Variants in AGPAT4 observed in about 807,000 individuals in gnomAD.
AGPAT4 encodes the protein 1-acylglycerol-3-phosphate O-acyltransferase 4.
A neutral mutation model predicts 48.0 loss-of-function variants in AGPAT4; 15 were observed. The ratio of observed to expected loss-of-function variants is 0.31; its 90% confidence interval spans 0.21 to 0.48. The LOEUF is 0.48. Among genes scored for constraint, AGPAT4 ranks in the 20% least tolerant of loss-of-function variants. The pLI, the probability that AGPAT4 is intolerant of heterozygous loss-of-function variation, is 0.99. For synonymous variants in AGPAT4, 178 were observed against 198.7 expected (o/e 0.90, Z 0.88); for missense variants, 314 against 482.5 (o/e 0.65, Z 3.27).
At position 161,246,373 on chromosome 6, in the gene AGPAT4, C is replaced by T. The variant is rs1042192832; in HGVS notation, c.-89-14071G>A. On this transcript the variant is annotated intron_variant, in intron 1 of 8. Transcript: ENST00000320285. This position sits in a 1 kb window ranked among gnomAD's most constrained non-coding sequence, Gnocchi z 5.5. ...ATTCATATTTAAGTTCTACTATATA[C>T]TAACATTGCATTAGACTTCTGAGCA... Among the ~76,000 whole-genome samples the T allele has an allele frequency of 6.6e-6, 1 of 152,082 alleles. No individual in the cohort carries two copies. Among genetic ancestry groups the T allele is most frequent in the African/African-American group, 2.4e-5 (1 of 41,388 alleles).
chr6:161,194,166 T>A (rs1200627006), intron 2 of AGPAT4, among the ~76,000 whole-genome samples: 1 of 152,196 alleles, frequency 6.6e-6, no homozygotes, highest in African/African-American at 2.4e-5. Context: ...ATGCCAAATA[T>A]CTCATTAATT....
At chr6:161,213,187 C>T (rs1781561991) in intron 2 of AGPAT4, among the ~76,000 whole-genome samples, 1 of 152,168 alleles carries the variant, frequency 6.6e-6, no homozygotes, top group Admixed American at 6.5e-5. Flanking sequence ...CTGGGCTCGG[C>T]TTTAAAAAAG....
chr6:161,273,156 G>A (rs983164998), intron 1 of AGPAT4, among the ~76,000 whole-genome samples: 3 of 152,154 alleles, frequency 2.0e-5, no homozygotes, highest in Non-Finnish European at 4.4e-5. Flanking sequence ...CTTATCTTAA[G>A]AAGTGTTTAG....
rs537871796 is a variant in AGPAT4 at position 161,218,211 on chromosome 6, A to G, written c.178+13825T>C. ...GGTGCTGTGCTGGAAAATGGTTAAC[A>G]ACCAGCTCTTGTGTGGCAGGGGAGG... On this transcript the variant is annotated intron_variant, in intron 2 of 8. Transcript: ENST00000320285. The surrounding 1 kb of genome is among the most constrained non-coding windows in gnomAD (Gnocchi z 4.7). Among the ~76,000 whole-genome samples, 2 of 152,302 alleles carry G rather than the reference A, an allele frequency of 1.3e-5. No individual in the cohort carries two copies. Among genetic ancestry groups the G allele is most frequent in the East Asian group, 3.9e-4 (2 of 5,180 alleles).
At chr6:161,210,333 T>G (rs1318656433) in intron 2 of AGPAT4, among the ~76,000 whole-genome samples, 1 of 152,214 alleles carries the variant, frequency 6.6e-6, no homozygotes, top group Admixed American at 6.5e-5. Flanking sequence ...ATATGCAAAT[T>G]TAAGGCTATT....
intron 8 of AGPAT4, 25 bp from the exon 9 acceptor site, chr6:161,136,659 T>C (rs201512980): frequency 1.2e-6 from 2 of 1,607,504 alleles, no homozygotes; most frequent in East Asian, 2.2e-5. Context: ...AGAGCAGAGT[T>C]AGGAGTAGCC....
rs1444619814 is a variant in AGPAT4, at chr6:161,208,616, TA to T, written c.178+23419del. Among the ~76,000 whole-genome samples, 1 of 152,018 alleles carries T rather than the reference TA, an allele frequency of 6.6e-6. No homozygotes were observed. Among genetic ancestry groups the T allele is most frequent in the African/African-American group, 2.4e-5 (1 of 41,396 alleles). On this transcript the variant is annotated intron_variant, in intron 2 of 8. Coordinates refer to ENST00000320285, the MANE Select transcript of AGPAT4 (RefSeq NM_020133.3). The surrounding 1 kb of genome is among the most constrained non-coding windows in gnomAD (Gnocchi z 4.6). ...AAATACTTGCAATGAACAACTTGGT[TA>T]AAAAAAGGTAACTATCATTCATCAC...
Position 161,166,113 on chromosome 6 carries a change from T to G in AGPAT4, c.348+135A>C. ...ACTCCCAGCAAGAATAAAAAGCAGT[T>G]TATTAGGACCATTTCATCAAGTAGA... On this transcript the variant is annotated intron_variant, in intron 3 of 8. Coordinates refer to ENST00000320285, the MANE Select transcript of AGPAT4 (RefSeq NM_020133.3). This position sits in a 1 kb window ranked among gnomAD's most constrained non-coding sequence, Gnocchi z 6.7. 1.7e-6 allele frequency: 2 copies of G among 1,205,326 alleles called. No individual in the cohort carries two copies. Among genetic ancestry groups the G allele is most frequent in the Non-Finnish European group, 2.3e-6 (2 of 859,604 alleles). The allele number at this position is 1,205,326 out of a possible 1,614,324, so 74.7% of individuals were successfully genotyped here. A position where few individuals can be genotyped will look rare whatever the true frequency, so the allele number is the denominator to read the frequency against.
Position 161,264,131 on chromosome 6 carries a change from G to T in AGPAT4, c.-90+9807C>A, listed in dbSNP as rs1036666511. Among the ~76,000 whole-genome samples the T allele has an allele frequency of 1.3e-5, 2 of 152,162 alleles. No homozygotes were observed. The highest frequency in any genetic ancestry group is 2.9e-5 in the Non-Finnish European group (2 of 68,024). On this transcript the variant is annotated intron_variant, in intron 1 of 8. Transcript: ENST00000320285. The surrounding 1 kb of genome is among the most constrained non-coding windows in gnomAD (Gnocchi z 6.8). ...AGTACATAAATGATCACCTTATAAG[G>T]TGTAATATGATAAGTGACCATTTGG...
intron 3 of AGPAT4, among the ~76,000 whole-genome samples, chr6:161,156,292 GTCCTGTGGCCACACAGCC>G (rs1779766279): frequency 6.6e-6 from 1 of 152,210 alleles, no homozygotes; most frequent in African/African-American, 2.4e-5. Context: ...TGTAAGTGAC[GTCCTGTGGCCACACAGCC>G]TCTTGTCCAT....
At chr6:161,207,721 T>C (rs766434921) in intron 2 of AGPAT4, among the ~76,000 whole-genome samples, 12 of 151,940 alleles carry the variant, frequency 7.9e-5, no homozygotes, top group Admixed American at 7.9e-4. Flanking sequence ...GGTAGAATAG[T>C]AGAGGGGAAA....
At chr6:161,160,104 ATTTTTTTTTTTTTTTTTTT>A (rs5881394) in intron 3 of AGPAT4, 1 of 74,008 alleles carries the variant, frequency 1.4e-5, no homozygotes, top group African/African-American at 5.3e-5. Flanking sequence ...CACCCAGCTA[ATTTTTTTTTTTTTTTTTTT>A]TTTTTTTTTT....
At chr6:161,248,528 C>T (rs1236056549) in intron 1 of AGPAT4, among the ~76,000 whole-genome samples, 3 of 138,154 alleles carry the variant, frequency 2.2e-5, no homozygotes, top group Admixed American at 1.6e-4. Flanking sequence ...GAGCCAAGAT[C>T]GTGCCACTGC....
chr6:161,224,206 C>A (rs1317347153), intron 2 of AGPAT4, among the ~76,000 whole-genome samples: 2 of 152,138 alleles, frequency 1.3e-5, no homozygotes, highest in African/African-American at 4.8e-5. Flanking sequence ...ATACATAAAG[C>A]TTTACTAAGA....
At position 161,225,677 on chromosome 6, in the gene AGPAT4, C is replaced by T. The variant is rs2115031139; in HGVS notation, c.178+6359G>A. Among the ~76,000 whole-genome samples the T allele has an allele frequency of 6.6e-6, 1 of 152,178 alleles. No homozygotes were observed. The highest frequency in any genetic ancestry group is 1.9e-4 in the East Asian group (1 of 5,196). ...GATGTGGAGCCGTCAGGGTGTGTGA[C>T]TCCAGGTGAAGTCAGGCAGTGTTTG... On this transcript the variant is annotated intron_variant, in intron 2 of 8. Transcript: ENST00000320285. The surrounding 1 kb of genome is among the most constrained non-coding windows in gnomAD (Gnocchi z 5.0).
At chr6:161,185,489 T>A (rs1780744433) in intron 2 of AGPAT4, among the ~76,000 whole-genome samples, 2 of 152,108 alleles carry the variant, frequency 1.3e-5, no homozygotes, top group African/African-American at 4.8e-5. Context: ...ACACATCTCA[T>A]GACAATGTGG....
At position 161,154,075 on chromosome 6, in the gene AGPAT4, G is replaced by C; in HGVS notation, c.510+74C>G. 6.3e-7 allele frequency: 1 copy of C among 1,595,406 alleles called. No individual in the cohort carries two copies. Among genetic ancestry groups the C allele is most frequent in the Non-Finnish European group, 8.6e-7 (1 of 1,166,576 alleles). ...GGACCACACAGTCACGTGTCCTGTGGAAGTCACATGGGGGTCCCACGGTCA... is the reference window on the plus strand; with the variant it reads ...GGACCACACAGTCACGTGTCCTGTGCAAGTCACATGGGGGTCCCACGGTCA... On this transcript the variant is annotated intron_variant, in intron 4 of 8. Coordinates refer to ENST00000320285, the MANE Select transcript of AGPAT4 (RefSeq NM_020133.3). The surrounding 1 kb of genome is among the most constrained non-coding windows in gnomAD (Gnocchi z 7.8).
At chr6:161,162,493 G>C (rs562283746) in intron 3 of AGPAT4, among the ~76,000 whole-genome samples, 12 of 152,322 alleles carry the variant, frequency 7.9e-5, no homozygotes, top group Admixed American at 1.3e-4. Context: ...GCGAGGGATG[G>C]AGGCCGGGCA....
rs541483355 is a variant in AGPAT4 at position 161,199,131 on chromosome 6, C to T, written c.179-32714G>A. 2.6e-4 allele frequency among the ~76,000 whole-genome samples: 39 copies of T among 151,980 alleles called. 1 individual carries two copies. In the South Asian group the frequency reaches 7.7e-3, roughly 30 times the overall value. On this transcript the variant is annotated intron_variant, in intron 2 of 8. Coordinates refer to ENST00000320285, the MANE Select transcript of AGPAT4 (RefSeq NM_020133.3). ...CAAAAAAAAAAAACACGTTAATTGGCCTCAGTCTTTTCTGCATAAATAGCA... is the reference window on the plus strand; with the variant it reads ...CAAAAAAAAAAAACACGTTAATTGGTCTCAGTCTTTTCTGCATAAATAGCA...
Sources: allele counts gnomAD v4.1 joint callset (sites outside exome capture counted in the v4.1 genomes callset), GRCh38; gene constraint gnomAD v4.1.1; non-coding constraint Gnocchi (gnomAD v3.1); transcripts MANE v1.5; gene names NCBI Gene and HGNC (gene_info 2026-07-23, HGNC 2026-07-21).